ANXA4: variants seen among roughly 807,000 people sequenced by gnomAD.
The protein encoded by ANXA4 is annexin A4.
Under a neutral mutation model 49.8 loss-of-function variants are expected in ANXA4, and 39 were observed. The ratio of observed to expected loss-of-function variants is 0.78; its 90% confidence interval spans 0.61 to 1.02. The LOEUF (loss-of-function observed/expected upper bound fraction) is 1.02, where lower values mean the gene tolerates loss of function less well. Among genes scored for constraint, ANXA4 ranks in the 50% least tolerant of loss-of-function variants. The probability of loss-of-function intolerance (pLI) is 0.00; values close to 1 mark genes in which losing one functional copy is unlikely to be tolerated. For synonymous variants in ANXA4, 134 were observed against 152.5 expected (o/e 0.88, Z 0.89); for missense variants, 360 against 410.1 (o/e 0.88, Z 1.05).
chr2:69,649,241 T>C (rs1007467546), intron 1 of ANXA4, among the ~76,000 whole-genome samples: 1 of 152,140 alleles, frequency 6.6e-6, no homozygotes, highest in African/African-American at 2.4e-5. Context: ...GATTTTGGTT[T>C]TGGATTTTGT....
At chr2:69,802,874 TG>T (rs1673274455) in intron 3 of ANXA4, among the ~76,000 whole-genome samples, 2 of 151,556 alleles carry the variant, frequency 1.3e-5, no homozygotes, top group Non-Finnish European at 2.9e-5. Flanking sequence ...AGAAATTGAT[TG>T]TTATATGGAT....
intron 3 of ANXA4, among the ~76,000 whole-genome samples, chr2:69,800,279 A>G (rs1186050081): frequency 7.0e-6 from 1 of 143,084 alleles, no homozygotes; most frequent in South Asian, 2.2e-4. Flanking sequence ...CTTTTTTTTC[A>G]GTTTATCCTA....
intron 2 of ANXA4, chr2:69,720,652 G>C (rs1350058305): frequency 6.6e-6 from 1 of 152,224 alleles, no homozygotes; most frequent in Non-Finnish European, 1.5e-5. Flanking sequence ...ATTGACCAGA[G>C]GGGGCACAGC....
At chr2:69,668,617 A>C (rs78036081) in intron 2 of ANXA4, among the ~76,000 whole-genome samples, 2,405 of 152,270 alleles carry the variant, frequency 0.016, 57 homozygotes, top group African/African-American at 0.055. Flanking sequence ...TATAATAAAA[A>C]ATATTAATTT....
At chr2:69,713,010 A>G (rs1223373226) in intron 2 of ANXA4, among the ~76,000 whole-genome samples, 2 of 152,130 alleles carry the variant, frequency 1.3e-5, no homozygotes, top group South Asian at 2.1e-4. Context: ...AATACATACA[A>G]CAATACTTCC....
At chr2:69,657,245 G>A (rs964489455) in intron 2 of ANXA4, among the ~76,000 whole-genome samples, 8 of 151,812 alleles carry the variant, frequency 5.3e-5, no homozygotes, top group Admixed American at 3.9e-4. Flanking sequence ...CACCCACCTC[G>A]ACCTCCCAAA....
At chr2:69,644,200 T>C (rs1675907807), upstream of ANXA4, among the ~76,000 whole-genome samples, 1 of 89,260 alleles carries the variant, frequency 1.1e-5, no homozygotes, top group East Asian at 3.6e-4. Flanking sequence ...GTTCCACCCT[T>C]CTGGAGCCAT....
rs757393627 is a variant in ANXA4, at chr2:69,816,086, T to G, written c.535-15T>G. 1.7e-5 allele frequency: 27 copies of G among 1,610,268 alleles called. No individual in the cohort carries two copies. Among genetic ancestry groups the G allele is most frequent in the Non-Finnish European group, 2.3e-5 (27 of 1,176,496 alleles). ...CGTTTTTGGAATTTTAGACCTGTGC[T>G]TTGTTTGGCTTCAGGACCTGTATGA... On this transcript the variant is annotated splice_polypyrimidine_tract_variant and intron_variant, in intron 8 of 12. Coordinates refer to ENST00000394295, the MANE Select transcript of ANXA4 (RefSeq NM_001153.5).
intron 2 of ANXA4, among the ~76,000 whole-genome samples, chr2:69,671,616 G>T (rs985338348): frequency 1.3e-5 from 2 of 152,238 alleles, no homozygotes; most frequent in East Asian, 1.9e-4. Context: ...TCAGCTACTC[G>T]GGGGGCTGAA....
intron 2 of ANXA4, among the ~76,000 whole-genome samples, chr2:69,719,925 G>A (rs1323429188): frequency 2.0e-5 from 3 of 152,212 alleles, no homozygotes; most frequent in South Asian, 4.1e-4. Context: ...TGTGCCTGGC[G>A]AAGTCTTTAC....
rs1358363813 is a variant in ANXA4 at position 69,825,438 on chromosome 2, T to C, written c.907-18T>C. 2.5e-6 allele frequency: 4 copies of C among 1,597,108 alleles called. No individual in the cohort carries two copies. Among genetic ancestry groups the C allele is most frequent in the Non-Finnish European group, 3.4e-6 (4 of 1,170,786 alleles). On this transcript the variant is annotated intron_variant, in intron 12 of 12. Transcript: ENST00000394295. Reference sequence around the variant, plus strand: ...ATTTTAAAATCTATTTATCTAACTTTGCTTCCCTATCGAACAGGGTGACAC... The same window carrying C: ...ATTTTAAAATCTATTTATCTAACTTCGCTTCCCTATCGAACAGGGTGACAC...
rs11425067 is a variant in ANXA4, at chr2:69,731,980, CT to C, written n.864+11127del. 1.1e-3 allele frequency among the ~76,000 whole-genome samples: 138 copies of C among 120,136 alleles called. 1 individual carries two copies. Among genetic ancestry groups the C allele is most frequent in the East Asian group, 5.5e-3 (23 of 4,178 alleles). The allele number at this position is 120,136 out of a possible 152,430, so 78.8% of individuals were successfully genotyped here. A position where few individuals can be genotyped will look rare whatever the true frequency, so the allele number is the denominator to read the frequency against. ...TTCTTAGTTACATTTTCTTTTCTTT[CT>C]TTTTTTTTTTTTTTTTTGAGATGGA... On this transcript the variant is annotated intron_variant and non_coding_transcript_variant, in intron 3 of 3. Transcript: ENST00000418066.
intron 1 of ANXA4, among the ~76,000 whole-genome samples, chr2:69,758,751 A>G (rs1237183353): frequency 6.6e-6 from 1 of 152,232 alleles, no homozygotes; most frequent in Non-Finnish European, 1.5e-5. Flanking sequence ...GGATATCCTT[A>G]TAAATTTTGA....
intron 1 of ANXA4, among the ~76,000 whole-genome samples, chr2:69,651,833 G>GGT (rs1676257960): frequency 6.7e-5 from 3 of 44,958 alleles, no homozygotes; most frequent in Non-Finnish European, 1.4e-4. Flanking sequence ...GGGGGGGCGG[G>GGT]GAGACAGAGT....
At chr2:69,683,996 A>C (rs773053334) in intron 2 of ANXA4, among the ~76,000 whole-genome samples, 13 of 152,056 alleles carry the variant, frequency 8.5e-5, no homozygotes, top group Non-Finnish European at 1.8e-4. Context: ...TGATTGTTTT[A>C]AGTTGTGTTA....
At chr2:69,738,986 T>C (rs1670310717), upstream of ANXA4, among the ~76,000 whole-genome samples, 1 of 152,218 alleles carries the variant, frequency 6.6e-6, no homozygotes, top group Non-Finnish European at 1.5e-5. Flanking sequence ...TAGGCAGCCT[T>C]AGATAACCAG....
intron 2 of ANXA4, among the ~76,000 whole-genome samples, chr2:69,714,536 A>G (rs185638500): frequency 1.3e-3 from 202 of 152,324 alleles, no homozygotes; most frequent in African/African-American, 4.8e-3. Context: ...CAGTGTGCCC[A>G]TCAGTGTATC....
At chr2:69,688,664 G>A (rs779058793) in intron 2 of ANXA4, among the ~76,000 whole-genome samples, 2 of 152,150 alleles carry the variant, frequency 1.3e-5, no homozygotes. Flanking sequence ...AGAACAATGA[G>A]CTGTTTTGTT....
intron 2 of ANXA4, among the ~76,000 whole-genome samples, chr2:69,718,216 G>A (rs1048657566): frequency 5.3e-5 from 8 of 152,084 alleles, no homozygotes; most frequent in African/African-American, 1.9e-4. Flanking sequence ...ACAGAAGTGA[G>A]GACCCCAGAT....
Sources: allele counts gnomAD v4.1 joint callset (sites outside exome capture counted in the v4.1 genomes callset), GRCh38; gene constraint gnomAD v4.1.1; transcripts MANE v1.5; gene names NCBI Gene and HGNC (gene_info 2026-07-23, HGNC 2026-07-21).